Variants in WDR41 observed in about 807,000 individuals in gnomAD.
WDR41 encodes the protein WD repeat-containing protein 41.
WDR41 carries 63 observed loss-of-function variants against 69.3 expected under a neutral mutation model. That is an observed-to-expected ratio of 0.91 (90% CI 0.74 to 1.12). WDR41 has a LOEUF of 1.12. WDR41 is among the 50% of genes most tolerant of loss of function. WDR41 has a pLI of 0.00. For missense variants in WDR41, 543 were observed against 534.5 expected (o/e 1.02, Z -0.16); for synonymous variants, 185 against 192.1 (o/e 0.96, Z 0.31).
intron 1 of WDR41, chr5:77,582,418 C>A: frequency 4.3e-6 from 7 of 1,609,496 alleles, no homozygotes; most frequent in Non-Finnish European, 5.1e-6. Flanking sequence ...TCCTGCTGTG[C>A]CAGAAACCCT....
intron 1 of WDR41, among the ~76,000 whole-genome samples, chr5:77,502,515 G>T (rs913178378): frequency 7.2e-5 from 11 of 152,036 alleles, no homozygotes; most frequent in African/African-American, 2.7e-4. Context: ...CAGAAAAATA[G>T]ATAACACCAC....
At chr5:77,556,907 C>A (rs1285936863) in intron 1 of WDR41, among the ~76,000 whole-genome samples, 1 of 152,120 alleles carries the variant, frequency 6.6e-6, no homozygotes, top group East Asian at 1.9e-4. Flanking sequence ...ATGATTTGAA[C>A]TTCTCCTTGG....
chr5:77,466,634 T>C (rs138152035), intron 2 of WDR41, among the ~76,000 whole-genome samples: 1 of 152,050 alleles, frequency 6.6e-6, no homozygotes, highest in African/African-American at 2.4e-5. Context: ...AAATGGGATA[T>C]AGAGCATTTA....
intron 1 of WDR41, among the ~76,000 whole-genome samples, chr5:77,573,800 C>T (rs1296497287): frequency 6.6e-6 from 1 of 152,298 alleles, no homozygotes; most frequent in East Asian, 1.9e-4. Flanking sequence ...CTTTCCAATA[C>T]CTCTGCCTCA....
At chr5:77,504,181 A>C (rs1344994534) in intron 1 of WDR41, among the ~76,000 whole-genome samples, 1 of 152,192 alleles carries the variant, frequency 6.6e-6, no homozygotes, top group Non-Finnish European at 1.5e-5. Flanking sequence ...TGCAATAAAA[A>C]ATGATAAAGG....
chr5:77,494,748 G>A (rs1801913726), upstream of WDR41, among the ~76,000 whole-genome samples: 1 of 152,032 alleles, frequency 6.6e-6, no homozygotes, highest in Admixed American at 6.6e-5. Context: ...ATAATAGATA[G>A]AACAACCAGA....
intron 1 of WDR41, among the ~76,000 whole-genome samples, chr5:77,540,723 TAGGG>T (rs137909780): frequency 0.38 from 30,014 of 78,128 alleles, 4,382 homozygotes; most frequent in Non-Finnish European, 0.44. Flanking sequence ...GAAAAGAATG[TAGGG>T]AGGGAGGGAG....
At chr5:77,551,492 A>C (rs1743294681) in intron 1 of WDR41, among the ~76,000 whole-genome samples, 1 of 150,804 alleles carries the variant, frequency 6.6e-6, no homozygotes, top group Non-Finnish European at 1.5e-5. Context: ...AGCCCGGCCA[A>C]CATAGCGAAA....
chr5:77,530,166 A>G (rs1291620786), intron 1 of WDR41, among the ~76,000 whole-genome samples: 1 of 151,690 alleles, frequency 6.6e-6, no homozygotes, highest in East Asian at 1.9e-4. Context: ...TAAAAAGACC[A>G]CCAACCTCAA....
At chr5:77,528,399 T>A (rs142078065) in intron 1 of WDR41, among the ~76,000 whole-genome samples, 1,637 of 151,764 alleles carry the variant, frequency 0.011, 32 homozygotes, top group African/African-American at 0.037. Flanking sequence ...GAACATTAAA[T>A]CCACCAAGGA....
chr5:77,458,529 T>A (rs1799921658), intron 5 of WDR41, among the ~76,000 whole-genome samples: 1 of 152,094 alleles, frequency 6.6e-6, no homozygotes, highest in African/African-American at 2.4e-5. Flanking sequence ...TTATCTATGT[T>A]TGTTTCTCTA....
chr5:77,471,058 G>T (rs954176968), intron 2 of WDR41, among the ~76,000 whole-genome samples: 2 of 152,126 alleles, frequency 1.3e-5, no homozygotes, highest in Non-Finnish European at 2.9e-5. Context: ...TAAAAGAACA[G>T]AAATTATAAC....
chr5:77,575,766 A>G (rs1743819829), intron 1 of WDR41, among the ~76,000 whole-genome samples: 1 of 131,646 alleles, frequency 7.6e-6, no homozygotes, highest in Non-Finnish European at 1.6e-5. Flanking sequence ...TTCTCTGTTC[A>G]TACAGTAACT....
At chr5:77,601,929 T>G (rs147079099) in intron 1 of WDR41, among the ~76,000 whole-genome samples, 1 of 152,354 alleles carries the variant, frequency 6.6e-6, no homozygotes, top group Non-Finnish European at 1.5e-5. Context: ...TTGAATCCAT[T>G]AGCTCAAGTA....
At chr5:77,566,050 T>G (rs933557500) in intron 1 of WDR41, among the ~76,000 whole-genome samples, 6 of 152,072 alleles carry the variant, frequency 3.9e-5, no homozygotes, top group Admixed American at 1.3e-4. Flanking sequence ...GAAATAAACA[T>G]AGAGAGGTGA....
At chr5:77,465,472 A>G (rs367937042) in intron 2 of WDR41, among the ~76,000 whole-genome samples, 1 of 152,106 alleles carries the variant, frequency 6.6e-6, no homozygotes, top group East Asian at 1.9e-4. Flanking sequence ...CAAATTCTGT[A>G]GAGTAGAAGA....
chr5:77,506,368 A>G (rs1339285040), intron 1 of WDR41, among the ~76,000 whole-genome samples: 2 of 152,220 alleles, frequency 1.3e-5, no homozygotes, highest in Non-Finnish European at 2.9e-5. Context: ...AATGGTGGTC[A>G]TTAAAAAGTC....
rs748323775 is a variant in WDR41, at chr5:77,551,037, C to G, written c.43-61465G>C. 1.4e-4 allele frequency among the ~76,000 whole-genome samples: 21 copies of G among 152,154 alleles called. 1 individual carries two copies. The highest frequency in any genetic ancestry group is 2.8e-4 in the Non-Finnish European group (19 of 67,998). ...GACATAAAAACGGGAACAATAGACA[C>G]TGGGGCCTCCTAGAGGAAGGAGAGA... On this transcript the variant is annotated intron_variant, in intron 1 of 5. Transcript: ENST00000509971.
intron 2 of WDR41, among the ~76,000 whole-genome samples, chr5:77,466,977 T>C (rs969555774): frequency 1.3e-5 from 2 of 151,780 alleles, no homozygotes; most frequent in African/African-American, 2.4e-5. Flanking sequence ...CATCCTATTA[T>C]GATGGATAAC....
Sources: allele counts gnomAD v4.1 joint callset (sites outside exome capture counted in the v4.1 genomes callset), GRCh38; gene constraint gnomAD v4.1.1; transcripts MANE v1.5; gene names NCBI Gene and HGNC (gene_info 2026-07-23, HGNC 2026-07-21).